The following FRY variants were observed in gnomAD, a reference collection of about 807,000 sequenced individuals.
FRY encodes FRY microtubule binding protein, also known as protein furry homolog.
In FRY, 128 loss-of-function variants were observed where a neutral mutation model predicts 348.4. That is an observed-to-expected ratio of 0.37 (90% CI 0.32 to 0.43). The LOEUF is 0.43. FRY is among the 20% of genes least tolerant of loss of function. FRY has a pLI of 1.00. For missense variants in FRY, 2,736 were observed against 3,695.2 expected (o/e 0.74, Z 6.73); for synonymous variants, 1,370 against 1,374.7 (o/e 1.00, Z 0.08).
intron 3 of FRY, among the ~76,000 whole-genome samples, chr13:32,112,379 G>T (rs571220859): frequency 1.5e-4 from 23 of 152,004 alleles, no homozygotes; most frequent in Non-Finnish European, 2.6e-4. Flanking sequence ...TAAGTATTTA[G>T]TCCCATTTTA....
intron 37 of FRY, 69 bp downstream of exon 37, chr13:32,224,454 A>T: frequency 6.9e-7 from 1 of 1,441,596 alleles, no homozygotes; most frequent in Non-Finnish European, 9.7e-7. Flanking sequence ...GACAAGAGAA[A>T]AACCTAGTCC....
At position 32,239,063 on chromosome 13, in the gene FRY, T is replaced by C. The variant is rs994417424; in HGVS notation, c.6419-189T>C. Among the ~76,000 whole-genome samples the C allele has an allele frequency of 2.6e-5, 4 of 152,236 alleles. No homozygotes were observed. The highest frequency in any genetic ancestry group is 1.3e-4 in the Admixed American group (2 of 15,286). ...TCTTAAAATCGCAGATCTACTTTAC[T>C]GTCTTCTTTGTAACTGGTGCAATTG... On this transcript the variant is annotated intron_variant, in intron 44 of 60. Transcript: ENST00000542859. The surrounding 1 kb of genome is among the most constrained non-coding windows in gnomAD (Gnocchi z 4.3).
At position 32,208,950 on chromosome 13, in the gene FRY, C is replaced by G; in HGVS notation, c.4116C>G (p.Ser1372Arg). 1 of 1,614,198 alleles carries G rather than the reference C, an allele frequency of 6.2e-7. No individual in the cohort carries two copies. ...TGCACAACATCGAGCTGGTGGACAG[C>G]AGGCTCCTCCTCCCGGGGTCGAGCC... Reference protein sequence around the residue: ...PWLHNIELVDSRLLLPGSSPS... With the variant: ...PWLHNIELVDRRLLLPGSSPS... Residue 1372 changes from serine (S) to arginine (R), a missense_variant, in exon 32 of 61, where the codon AGC becomes AGG. Coordinates refer to ENST00000542859, the MANE Select transcript of FRY (RefSeq NM_023037.3).
At chr13:32,121,702 T>G (rs544334185) in intron 4 of FRY, among the ~76,000 whole-genome samples, 8 of 152,346 alleles carry the variant, frequency 5.3e-5, no homozygotes, top group African/African-American at 1.9e-4. Context: ...GTATAGATTG[T>G]GAAGATTTTC....
chr13:32,261,465 T>G, intron 51 of FRY, 151 bp from the exon 52 acceptor site: 1 of 788,394 alleles, frequency 1.3e-6, no homozygotes, highest in Non-Finnish European at 2.3e-6. Flanking sequence ...CTTTTCACAT[T>G]GGGTAAACAA....
At chr13:32,209,225 A>C in intron 32 of FRY, 116 bp downstream of exon 32, 1 of 1,160,278 alleles carries the variant, frequency 8.6e-7, no homozygotes, top group Non-Finnish European at 1.3e-6. Context: ...GACTGGGGAT[A>C]AATAGTGGTG....
chr13:32,290,509 A>G lies in FRY; in HGVS notation c.8580+766A>G, dbSNP rs113847598. ...GCCTGATGGGAAGAAAGAGAAAGGA[A>G]CTACAAGCTACTTAGTATTGCTAGA... On this transcript the variant is annotated intron_variant, in intron 59 of 60. Transcript: ENST00000542859. Among the ~76,000 whole-genome samples the G allele has an allele frequency of 8.3e-4, 126 of 152,182 alleles. 1 individual carries two copies. The highest frequency in any genetic ancestry group is 3.0e-3 in the African/African-American group (123 of 41,534).
chr13:32,149,668 G>A (rs1880679232), intron 13 of FRY, 80 bp from the exon 14 acceptor site: 1 of 814,166 alleles, frequency 1.2e-6, no homozygotes, highest in Non-Finnish European at 2.1e-6. Flanking sequence ...TGTTCGCTTG[G>A]TGCATATTGA....
intron 58 of FRY, among the ~76,000 whole-genome samples, chr13:32,282,440 T>C (rs1442573773): frequency 6.6e-6 from 1 of 152,242 alleles, no homozygotes; most frequent in Admixed American, 6.5e-5. Context: ...GTGCACTTCA[T>C]GAAAGGATTA....
chr13:32,056,784 C>T (rs1566047282), intron 1 of FRY, among the ~76,000 whole-genome samples: 2 of 152,104 alleles, frequency 1.3e-5, no homozygotes, highest in African/African-American at 4.8e-5. Flanking sequence ...TATTTTAACT[C>T]TTATATTTAC....
At chr13:32,083,053 T>C (rs572707071) in intron 2 of FRY, among the ~76,000 whole-genome samples, 1 of 152,306 alleles carries the variant, frequency 6.6e-6, no homozygotes, top group South Asian at 2.1e-4. Flanking sequence ...CCCTCTTCTC[T>C]TTTTCTGGTA....
At chr13:32,247,968 G>A (rs937131880) in intron 48 of FRY, among the ~76,000 whole-genome samples, 1 of 152,128 alleles carries the variant, frequency 6.6e-6, no homozygotes, top group Non-Finnish European at 1.5e-5. Context: ...GCCTTGAAGC[G>A]GGCAGGGGAG....
chr13:32,082,660 A>T (rs1875575551), intron 2 of FRY, among the ~76,000 whole-genome samples: 1 of 152,104 alleles, frequency 6.6e-6, no homozygotes. Context: ...TAAATTACTC[A>T]GTCTTGTTCA....
intron 1 of FRY, among the ~76,000 whole-genome samples, chr13:32,033,677 G>A (rs1242349283): frequency 3.3e-5 from 5 of 152,080 alleles, no homozygotes; most frequent in African/African-American, 1.2e-4. Context: ...TACCTACTAT[G>A]TGCCAGGCTG....
At chr13:32,292,732 C>T (rs1326684698) in intron 59 of FRY, among the ~76,000 whole-genome samples, 1 of 151,912 alleles carries the variant, frequency 6.6e-6, no homozygotes, top group Non-Finnish European at 1.5e-5. Context: ...GAGGAGGTTG[C>T]AGTGAGCTGA....
At chr13:32,285,880 G>C (rs1889019193) in intron 58 of FRY, among the ~76,000 whole-genome samples, 1 of 152,170 alleles carries the variant, frequency 6.6e-6, no homozygotes, top group African/African-American at 2.4e-5. Flanking sequence ...CAGAAAGTTT[G>C]GTTTTAGAAA....
At chr13:32,181,575 C>CA (rs35272711) in intron 23 of FRY, among the ~76,000 whole-genome samples, 12,519 of 58,380 alleles carry the variant, frequency 0.21, 1,259 homozygotes, top group South Asian at 0.38. Context: ...ACTCCGTCAC[C>CA]AAAAAAAAAA....
At chr13:32,084,614 G>A (rs1344344377) in intron 2 of FRY, among the ~76,000 whole-genome samples, 4 of 152,132 alleles carry the variant, frequency 2.6e-5, no homozygotes, top group South Asian at 4.1e-4. Context: ...CTAAGCTACT[G>A]TATCATTCTG....
At chr13:32,281,473 A>G (rs1888803079) in intron 58 of FRY, among the ~76,000 whole-genome samples, 1 of 152,226 alleles carries the variant, frequency 6.6e-6, no homozygotes, top group Non-Finnish European at 1.5e-5. Flanking sequence ...AGGAGGGAAG[A>G]TGCATAAAAC....
Sources: gnomAD v4.1 joint callset for allele counts (sites outside exome capture counted in the v4.1 genomes callset) on GRCh38, gnomAD v4.1.1 for gene constraint, Gnocchi (gnomAD v3.1) non-coding constraint, MANE v1.5 for transcripts, NCBI Gene and HGNC (gene_info 2026-07-23, HGNC 2026-07-21) for gene names.